PRKG1: variants seen among roughly 807,000 people sequenced by gnomAD.
The protein encoded by PRKG1 is protein kinase cGMP-dependent 1, also known as cGMP-dependent protein kinase 1.
Under a neutral mutation model 88.1 loss-of-function variants are expected in PRKG1, and 35 were observed. That is an observed-to-expected ratio of 0.40 (90% confidence interval 0.30 to 0.53). The LOEUF (loss-of-function observed/expected upper bound fraction) is 0.53. Ranked by LOEUF, PRKG1 falls within the 20% of genes least tolerant of loss-of-function variation. The pLI, the probability that PRKG1 is intolerant of heterozygous loss-of-function variation, is 0.59. For missense variants in PRKG1, 540 were observed against 839.8 expected (o/e 0.64, Z 4.41); for synonymous variants, 303 against 292.5 (o/e 1.04, Z -0.37).
intron 3 of PRKG1, among the ~76,000 whole-genome samples, chr10:51,757,337 C>T (rs568539868): frequency 6.6e-6 from 1 of 152,210 alleles, no homozygotes; most frequent in East Asian, 1.9e-4. Context: ...CTCCTGACCT[C>T]AAGTGATCAG....
chr10:51,164,984 A>T (rs1370656643), intron 2 of PRKG1, among the ~76,000 whole-genome samples: 1 of 152,250 alleles, frequency 6.6e-6, no homozygotes, highest in Non-Finnish European at 1.5e-5. Flanking sequence ...GCATGATAGT[A>T]TCCAGGAGAA....
intron 9 of PRKG1, among the ~76,000 whole-genome samples, chr10:52,185,751 G>A (rs7904720): frequency 0.22 from 32,845 of 152,104 alleles, 5,074 homozygotes; most frequent in African/African-American, 0.44. Flanking sequence ...CTTGCATTTC[G>A]TGCACCTGCT....
intron 2 of PRKG1, among the ~76,000 whole-genome samples, chr10:51,252,304 A>G (rs1036542290): frequency 6.6e-6 from 1 of 151,832 alleles, no homozygotes; most frequent in Non-Finnish European, 1.5e-5. Flanking sequence ...GATTTTTTAA[A>G]TGTCTTTACT....
intron 3 of PRKG1, among the ~76,000 whole-genome samples, chr10:51,657,029 C>T (rs949333193): frequency 2.0e-5 from 3 of 152,140 alleles, no homozygotes; most frequent in African/African-American, 7.2e-5. Flanking sequence ...ATAACTCCTA[C>T]TGCATAGTTA....
chr10:51,186,752 G>A (rs1204260496), intron 2 of PRKG1, among the ~76,000 whole-genome samples: 2 of 151,616 alleles, frequency 1.3e-5, no homozygotes, highest in African/African-American at 2.4e-5. Context: ...CTGTATGTCT[G>A]CATTTTAGAG....
At chr10:51,255,415 T>A (rs1038548293) in intron 2 of PRKG1, among the ~76,000 whole-genome samples, 1 of 152,130 alleles carries the variant, frequency 6.6e-6, no homozygotes, top group African/African-American at 2.4e-5. Flanking sequence ...TGGGAGCAGA[T>A]AACAGAAAAC....
chr10:51,400,577 C>T (rs75296814), intron 2 of PRKG1, among the ~76,000 whole-genome samples: 9,995 of 152,184 alleles, frequency 0.066, 474 homozygotes, highest in South Asian at 0.17. Context: ...ATTTTTCAAG[C>T]CTTCTGTGAG....
intron 3 of PRKG1, among the ~76,000 whole-genome samples, chr10:51,794,136 A>G (rs1259303115): frequency 6.6e-6 from 1 of 152,162 alleles, no homozygotes; most frequent in African/African-American, 2.4e-5. Context: ...AATGGGATCA[A>G]CCCAGCAAGA....
intron 3 of PRKG1, among the ~76,000 whole-genome samples, chr10:51,607,522 C>T (rs959697380): frequency 3.9e-5 from 6 of 152,152 alleles, no homozygotes; most frequent in African/African-American, 1.4e-4. Flanking sequence ...GGAGCTCCAG[C>T]CTCCACAGAC....
At chr10:51,786,736 A>G (rs965262148) in intron 3 of PRKG1, among the ~76,000 whole-genome samples, 2 of 152,202 alleles carry the variant, frequency 1.3e-5, no homozygotes, top group Non-Finnish European at 2.9e-5. Context: ...TTTCCTAAAT[A>G]TGTATTGTGG....
At chr10:51,550,077 A>G (rs1837087700) in intron 3 of PRKG1, among the ~76,000 whole-genome samples, 1 of 152,114 alleles carries the variant, frequency 6.6e-6, no homozygotes, top group Non-Finnish European at 1.5e-5. Context: ...CTTCCTGTGT[A>G]TCATCAAATG....
intron 2 of PRKG1, among the ~76,000 whole-genome samples, chr10:51,177,668 A>C (rs1837231179): frequency 6.6e-6 from 1 of 152,190 alleles, no homozygotes; most frequent in African/African-American, 2.4e-5. Flanking sequence ...TGGAAATGGA[A>C]TATCATATAC....
At chr10:51,169,199 AC>A in intron 2 of PRKG1, among the ~76,000 whole-genome samples, 1 of 152,252 alleles carries the variant, frequency 6.6e-6, no homozygotes, top group South Asian at 2.1e-4. Flanking sequence ...CAGTACAATA[AC>A]TTCTCTAATA....
intron 1 of PRKG1, among the ~76,000 whole-genome samples, chr10:51,139,497 G>A (rs1374291159): frequency 6.6e-6 from 1 of 152,016 alleles, no homozygotes; most frequent in Non-Finnish European, 1.5e-5. Flanking sequence ...AGTCTCCTTT[G>A]TGGGACCTCT....
At chr10:52,112,587 C>G (rs1372393022) in intron 7 of PRKG1, among the ~76,000 whole-genome samples, 2 of 152,200 alleles carry the variant, frequency 1.3e-5, no homozygotes, top group African/African-American at 2.4e-5. Context: ...GTTAACATCT[C>G]TCATTCTTTC....
chr10:51,794,006 T>C (rs2096415), intron 3 of PRKG1, among the ~76,000 whole-genome samples: 82,757 of 151,846 alleles, frequency 0.55, 23,317 homozygotes, highest in Middle Eastern at 0.63. Flanking sequence ...TCAGTTGATC[T>C]GCCCAGCTCA....
chr10:52,218,806 C>T (rs1840175813), intron 9 of PRKG1, among the ~76,000 whole-genome samples: 1 of 151,992 alleles, frequency 6.6e-6, no homozygotes, highest in Non-Finnish European at 1.5e-5. Flanking sequence ...TTTTCAGGGC[C>T]TCCCATGAAA....
chr10:52,113,349 AGACACAGTAAATG>A (rs1847610770), intron 7 of PRKG1, among the ~76,000 whole-genome samples: 1 of 152,114 alleles, frequency 6.6e-6, no homozygotes, highest in African/African-American at 2.4e-5. Flanking sequence ...TACATATTTT[AGACACAGTAAATG>A]GATGAATGGA....
At chr10:51,502,861 G>A (rs1841071638) in intron 3 of PRKG1, among the ~76,000 whole-genome samples, 1 of 152,122 alleles carries the variant, frequency 6.6e-6, no homozygotes, top group Admixed American at 6.6e-5. Context: ...CAGGTTTGCT[G>A]ATTATCAGAT....
Sources: allele counts gnomAD v4.1 joint callset (sites outside exome capture counted in the v4.1 genomes callset), GRCh38; gene constraint gnomAD v4.1.1; transcripts MANE v1.5; gene names NCBI Gene and HGNC (gene_info 2026-07-23, HGNC 2026-07-21).